Variants in GPBP1L1 observed in about 807,000 individuals in gnomAD.
The protein encoded by GPBP1L1 is vasculin-like protein 1.
A neutral mutation model predicts 52.5 loss-of-function variants in GPBP1L1; 23 were observed. That is an observed-to-expected ratio of 0.44 (90% CI 0.32 to 0.62). The LOEUF (loss-of-function observed/expected upper bound fraction) is 0.62. Ranked by LOEUF, GPBP1L1 falls within the 20% of genes least tolerant of loss-of-function variation. The pLI, the probability that GPBP1L1 is intolerant of heterozygous loss-of-function variation, is 0.06. For missense variants in GPBP1L1, 596 were observed against 579.3 expected (o/e 1.03, Z -0.30); for synonymous variants, 243 against 203.1 (o/e 1.20, Z -1.67).
At chr1:45,665,104 T>C (rs1343446776) in intron 2 of GPBP1L1, among the ~76,000 whole-genome samples, 6 of 151,302 alleles carry the variant, frequency 4.0e-5, no homozygotes, top group African/African-American at 9.7e-5. Context: ...GCCTGGCCAA[T>C]ATGGTGAAAC....
At chr1:45,681,422 A>G (rs998353805) in intron 2 of GPBP1L1, among the ~76,000 whole-genome samples, 1 of 152,226 alleles carries the variant, frequency 6.6e-6, no homozygotes, top group Non-Finnish European at 1.5e-5. Context: ...CAAGGAAAAA[A>G]ACTGAGGAGA....
At chr1:45,651,650 T>C (rs1001190498) in intron 6 of GPBP1L1, 15 of 681,184 alleles carry the variant, frequency 2.2e-5, no homozygotes, top group Middle Eastern at 4.1e-4. Context: ...CAACCTGATA[T>C]AGCAGGGCCA....
intron 2 of GPBP1L1, among the ~76,000 whole-genome samples, chr1:45,666,803 T>A (rs1003276770): frequency 1.3e-5 from 2 of 152,184 alleles, no homozygotes; most frequent in African/African-American, 2.4e-5. Flanking sequence ...ACAACTGAAA[T>A]GTCTATCAAC....
intron 7 of GPBP1L1, among the ~76,000 whole-genome samples, chr1:45,641,082 A>C (rs900214362): frequency 2.0e-5 from 3 of 152,104 alleles, no homozygotes; most frequent in Non-Finnish European, 4.4e-5. Flanking sequence ...GAGAATAGAG[A>C]GATGAGGTAA....
chr1:45,652,521 G>A (rs555058311), intron 6 of GPBP1L1, among the ~76,000 whole-genome samples: 9 of 152,174 alleles, frequency 5.9e-5, no homozygotes, highest in Non-Finnish European at 1.2e-4. Context: ...AATGAAGTAC[G>A]TAAGAAATCA....
At position 45,656,416 on chromosome 1, in the gene GPBP1L1, C is replaced by A. The variant is rs1411377984; in HGVS notation, c.61-1097G>T. ...ATTTTTCTTACTATCAACATCCTTG[C>A]CAATATTTTACCCATTCGAGTGGGT... is the stretch of plus-strand genomic sequence containing the variant. On this transcript the variant is annotated intron_variant, in intron 4 of 12. Coordinates refer to ENST00000355105, the MANE Select transcript of GPBP1L1 (RefSeq NM_021639.5). Among the ~76,000 whole-genome samples the A allele has an allele frequency of 2.0e-5, 3 of 152,142 alleles. No individual in the cohort carries two copies. In the South Asian group the frequency reaches 6.2e-4, roughly 32 times the overall value.
At chr1:45,665,106 T>C (rs919178062) in intron 2 of GPBP1L1, among the ~76,000 whole-genome samples, 8 of 151,874 alleles carry the variant, frequency 5.3e-5, no homozygotes, top group Non-Finnish European at 1.0e-4. Context: ...CTGGCCAATA[T>C]GGTGAAACCC....
Position 45,633,543 on chromosome 1 carries a change from C to G in GPBP1L1, c.990G>C (p.Lys330Asn), listed in dbSNP as rs1644557120. The change falls in exon 10 of 13, where the codon AAG becomes AAC. Residue 330 changes from lysine to asparagine, a missense_variant. Coordinates refer to ENST00000355105, the MANE Select transcript of GPBP1L1 (RefSeq NM_021639.5). Reference protein sequence around the residue: ...DRKSEFLKTLKDDRNGDFSEN... With the variant: ...DRKSEFLKTLNDDRNGDFSEN... ...CTGAGAAGTCTCCATTCCGGTCATC[C>G]TTCAGAGTTTTCAGGAACTCACTCT... 3.1e-6 allele frequency: 5 copies of G among 1,614,026 alleles called. No individual in the cohort carries two copies. The East Asian group carries it at 8.9e-5, about 29-fold the overall frequency.
In GPBP1L1 at chr1:45,652,844, T is replaced by C. The variant is rs78220869; in HGVS notation, c.477+1699A>G. Among the ~76,000 whole-genome samples the C allele has an allele frequency of 5.6e-4, 86 of 152,304 alleles. No homozygotes were observed. The East Asian group carries it at 0.013, about 23-fold the overall frequency. On this transcript the variant is annotated intron_variant, in intron 6 of 12. Coordinates refer to ENST00000355105, the MANE Select transcript of GPBP1L1 (RefSeq NM_021639.5). ...TAATGCTTTCATTGCTAGTTTGATA[T>C]GAATTTCATCAAGTTCCTTAAGTGT...
intron 2 of GPBP1L1, among the ~76,000 whole-genome samples, chr1:45,684,211 T>G (rs1557727171): frequency 8.7e-6 from 1 of 115,082 alleles, no homozygotes; most frequent in South Asian, 2.8e-4. Flanking sequence ...TGAACAGAAA[T>G]CAAGCCACCG....
chr1:45,667,402 C>T (rs886878448), intron 2 of GPBP1L1, among the ~76,000 whole-genome samples: 2 of 152,130 alleles, frequency 1.3e-5, no homozygotes, highest in Non-Finnish European at 2.9e-5. Context: ...TCCAACTTAT[C>T]GGGCACCTCA....
rs142670745 is a variant in GPBP1L1, at chr1:45,681,935, T to C, written c.-1098+3641A>G. Among the ~76,000 whole-genome samples, 269 of 152,336 alleles carry C rather than the reference T, an allele frequency of 1.8e-3. 3 individuals carry two copies. Among genetic ancestry groups the C allele is most frequent in the African/African-American group, 5.7e-3 (235 of 41,572 alleles). On this transcript the variant is annotated intron_variant, in intron 2 of 12. Transcript: ENST00000355105. ...ACAGAAAGCGGCCCAAATCTCCATCTCTATGTTACCGAAATTACTTAACTT... is the reference window on the plus strand; with the variant it reads ...ACAGAAAGCGGCCCAAATCTCCATCCCTATGTTACCGAAATTACTTAACTT...
At chr1:45,651,651 A>G in intron 6 of GPBP1L1, 1 of 681,608 alleles carries the variant, frequency 1.5e-6, no homozygotes, top group Non-Finnish European at 2.7e-6. Flanking sequence ...AACCTGATAT[A>G]GCAGGGCCAT....
intron 6 of GPBP1L1, among the ~76,000 whole-genome samples, chr1:45,645,518 T>G (rs990419263): frequency 6.6e-6 from 1 of 152,130 alleles, no homozygotes; most frequent in African/African-American, 2.4e-5. Flanking sequence ...GACCAAAATG[T>G]TTTGTTTTTT....
chr1:45,637,541 T>TTTTTTTTTTTTTTTTTTTTTTTTTTTTG (rs1557696882), intron 8 of GPBP1L1, among the ~76,000 whole-genome samples: 1 of 149,436 alleles, frequency 6.7e-6, no homozygotes, highest in Non-Finnish European at 1.5e-5. Flanking sequence ...GCCTTTATAT[T>TTTTTTTTTTTTTTTTTTTTTTTTTTTTG]AGTTTTCCAA....
chr1:45,685,945 A>C (rs981618864), intron 1 of GPBP1L1, among the ~76,000 whole-genome samples: 1 of 152,192 alleles, frequency 6.6e-6, no homozygotes, highest in Non-Finnish European at 1.5e-5. Flanking sequence ...CTGGGGGTTA[A>C]AACTTTTTTC....
chr1:45,681,991 G>T (rs1017264889), intron 2 of GPBP1L1, among the ~76,000 whole-genome samples: 12 of 151,984 alleles, frequency 7.9e-5, no homozygotes, highest in Admixed American at 7.2e-4. Context: ...CTTGTAGAAG[G>T]GTTAATATCT....
At chr1:45,663,587 G>T (rs537497773) in intron 2 of GPBP1L1, among the ~76,000 whole-genome samples, 2 of 152,308 alleles carry the variant, frequency 1.3e-5, no homozygotes, top group South Asian at 4.1e-4. Context: ...ACACATGCAT[G>T]TGCAGAGTAT....
upstream of GPBP1L1, chr1:45,688,054 A>T (rs1645311512): frequency 6.6e-6 from 1 of 152,180 alleles, no homozygotes. Context: ...CAACATCTGG[A>T]TTCAACTAGA....
Sources: gnomAD v4.1 joint callset for allele counts (sites outside exome capture counted in the v4.1 genomes callset) on GRCh38, gnomAD v4.1.1 for gene constraint, MANE v1.5 for transcripts, NCBI Gene and HGNC (gene_info 2026-07-23, HGNC 2026-07-21) for gene names.